The following VPS13B variants were observed in gnomAD, a reference collection of about 807,000 sequenced individuals.
VPS13B encodes the protein intermembrane lipid transfer protein VPS13B.
In VPS13B, 285 loss-of-function variants were observed where a neutral mutation model predicts 426.4. That is an observed-to-expected ratio of 0.67 (90% confidence interval 0.61 to 0.74). The LOEUF (loss-of-function observed/expected upper bound fraction) is 0.74. Ranked by LOEUF, VPS13B falls within the 30% of genes least tolerant of loss-of-function variation. The pLI, the probability that VPS13B is intolerant of heterozygous loss-of-function variation, is 0.00. For missense variants in VPS13B, 4,537 were observed against 4,782.6 expected (o/e 0.95, Z 1.51); for synonymous variants, 1,676 against 1,676.4 (o/e 1.00, Z 0.01).
At chr8:99,425,773 C>G (rs1168434528) in intron 21 of VPS13B, among the ~76,000 whole-genome samples, 1 of 152,144 alleles carries the variant, frequency 6.6e-6, no homozygotes, top group Non-Finnish European at 1.5e-5. Flanking sequence ...TCCCTGTTTG[C>G]AGATGACATG....
At chr8:99,745,172 A>G (rs1159798042) in intron 39 of VPS13B, among the ~76,000 whole-genome samples, 1 of 152,070 alleles carries the variant, frequency 6.6e-6, no homozygotes, top group Non-Finnish European at 1.5e-5. Context: ...TACTTCTGTC[A>G]TATAAACTCC....
At chr8:99,123,122 C>CAAAAAAAAAAAAAAAAA (rs71273164) in intron 8 of VPS13B, among the ~76,000 whole-genome samples, 8 of 61,430 alleles carry the variant, frequency 1.3e-4, no homozygotes, top group South Asian at 6.6e-4. Context: ...ACTCTGTCTC[C>CAAAAAAAAAAAAAAAAA]AAAAAAAAAA....
chr8:99,857,654 TCTC>T (rs1161689321), intron 56 of VPS13B, among the ~76,000 whole-genome samples: 3 of 152,098 alleles, frequency 2.0e-5, no homozygotes, highest in Admixed American at 1.3e-4. Flanking sequence ...CAAGCCTCAG[TCTC>T]CTCCTTTTCC....
chr8:99,792,716 C>T (rs775919105), intron 43 of VPS13B, among the ~76,000 whole-genome samples: 2 of 152,118 alleles, frequency 1.3e-5, no homozygotes, highest in Non-Finnish European at 2.9e-5. Flanking sequence ...CTTAAGCAAG[C>T]TTGAGTAGAG....
intron 58 of VPS13B, among the ~76,000 whole-genome samples, chr8:99,863,370 T>C (rs1027265897): frequency 1.3e-5 from 2 of 152,152 alleles, no homozygotes; most frequent in Non-Finnish European, 2.9e-5. Context: ...TGAGGTTATA[T>C]TGAGGATCTC....
chr8:99,661,598 G>A (rs1183289190), intron 35 of VPS13B, 107 bp downstream of exon 35: 1 of 1,373,324 alleles, frequency 7.3e-7, no homozygotes. Context: ...AAAATGAATA[G>A]TTCATTTTTT....
At chr8:99,780,002 C>A (rs1219223266) in intron 42 of VPS13B, among the ~76,000 whole-genome samples, 1 of 152,092 alleles carries the variant, frequency 6.6e-6, no homozygotes, top group Admixed American at 6.6e-5. Flanking sequence ...AAATATTTTT[C>A]TTTATATGCA....
rs188478678 is a variant in VPS13B at position 99,765,179 on chromosome 8, A to C, written c.7051-1595A>C. 4.9e-3 allele frequency among the ~76,000 whole-genome samples: 739 copies of C among 152,280 alleles called. 6 individuals carry two copies. The highest frequency in any genetic ancestry group is 7.6e-3 in the Non-Finnish European group (518 of 68,014). ...GAGAATTGCTTGAACCCAGGGGCCA[A>C]GGTTGCAGTGAGCTGAGATCGTACC... On this transcript the variant is annotated intron_variant, in intron 39 of 61. Transcript: ENST00000357162.
chr8:99,719,278 TGTATTACCTCTGTATTACA>T (rs1833042216), intron 37 of VPS13B, among the ~76,000 whole-genome samples: 1 of 152,202 alleles, frequency 6.6e-6, no homozygotes, highest in South Asian at 2.1e-4. Flanking sequence ...CAAAGTACAG[TGTATTACCTCTGTATTACA>T]GTCATTGTCT....
intron 43 of VPS13B, among the ~76,000 whole-genome samples, chr8:99,796,373 T>C (rs111297889): frequency 6.6e-6 from 1 of 151,912 alleles, no homozygotes; most frequent in Admixed American, 6.6e-5. Flanking sequence ...CTTAATTATG[T>C]GTTAGCTACA....
intron 20 of VPS13B, among the ~76,000 whole-genome samples, chr8:99,390,392 G>A (rs540009675): frequency 2.8e-4 from 42 of 152,220 alleles, no homozygotes; most frequent in East Asian, 1.7e-3. Context: ...GTGAGCCACC[G>A]CACCCAGCCT....
intron 23 of VPS13B, among the ~76,000 whole-genome samples, chr8:99,466,293 A>G (rs1263573686): frequency 6.6e-6 from 1 of 152,138 alleles, no homozygotes; most frequent in Non-Finnish European, 1.5e-5. Context: ...TTCCCAATTT[A>G]TCTGCAGTAT....
chr8:99,052,024 C>A (rs1439128514), intron 3 of VPS13B, among the ~76,000 whole-genome samples: 1 of 151,780 alleles, frequency 6.6e-6, no homozygotes, highest in Admixed American at 6.6e-5. Flanking sequence ...CCCTTTATTT[C>A]CTTCTCCTGC....
At chr8:99,361,497 A>G (rs149859110) in intron 19 of VPS13B, among the ~76,000 whole-genome samples, 195 of 152,340 alleles carry the variant, frequency 1.3e-3, no homozygotes, top group Non-Finnish European at 1.9e-3. Context: ...TTAGGCATAT[A>G]TAGAAGCCAG....
chr8:99,317,020 G>T (rs907582624), intron 19 of VPS13B, among the ~76,000 whole-genome samples: 1 of 152,224 alleles, frequency 6.6e-6, no homozygotes, highest in African/African-American at 2.4e-5. Context: ...TCAGCTATAA[G>T]AAATGGTGTA....
At chr8:99,014,110 C>CTTTTTGTTTTTTT (rs1841468674) in intron 2 of VPS13B, among the ~76,000 whole-genome samples, 175 bp downstream of exon 2, 1 of 72,292 alleles carries the variant, frequency 1.4e-5, no homozygotes, top group East Asian at 5.2e-4. Context: ...TTCTTTCTTT[C>CTTTTTGTTTTTTT]TTTTTTTTTT....
At chr8:99,551,601 T>A (rs887687483) in intron 30 of VPS13B, among the ~76,000 whole-genome samples, 29 of 152,028 alleles carry the variant, frequency 1.9e-4, no homozygotes, top group Admixed American at 6.6e-5. Context: ...ATGTGTTCCA[T>A]ATCTGTTATT....
chr8:99,233,080 G>T lies in VPS13B; in HGVS notation c.2515+40023G>T, dbSNP rs571863490. ...GCTGCGCTGTGAGGCGACTCCCTGA[G>T]GGTATTTCTACTCCTGCTGCTTCAC... On this transcript the variant is annotated intron_variant, in intron 17 of 61. Coordinates refer to ENST00000357162, the MANE Select transcript of VPS13B (RefSeq NM_152564.5). 8.9e-6 allele frequency: 12 copies of T among 1,345,044 alleles called. No homozygotes were observed. In the Admixed American group the frequency reaches 1.7e-4, roughly 19 times the overall value. 83.3% of individuals were successfully genotyped at this position (1,345,044 alleles called of 1,614,324 possible).
chr8:99,789,114 C>T (rs187193756), intron 43 of VPS13B, among the ~76,000 whole-genome samples: 22 of 152,154 alleles, frequency 1.4e-4, no homozygotes, highest in Admixed American at 8.5e-4. Context: ...TATTTTAAAA[C>T]GAGACCTGGT....
Sources: allele counts gnomAD v4.1 joint callset (sites outside exome capture counted in the v4.1 genomes callset), GRCh38; gene constraint gnomAD v4.1.1; transcripts MANE v1.5; gene names NCBI Gene and HGNC (gene_info 2026-07-23, HGNC 2026-07-21).